The following CAMTA1 variants were observed in gnomAD, a reference collection of about 807,000 sequenced individuals.
The protein encoded by CAMTA1 is calmodulin-binding transcription activator 1.
In CAMTA1, 27 loss-of-function variants were observed where a neutral mutation model predicts 170.9. The ratio of observed to expected loss-of-function variants is 0.16; its 90% CI spans 0.12 to 0.22. CAMTA1 has a LOEUF of 0.22. Ranked by LOEUF, CAMTA1 falls within the 10% of genes least tolerant of loss-of-function variation. The pLI is 1.00. For synonymous variants in CAMTA1, 833 were observed against 891.5 expected (o/e 0.93, Z 1.17); for missense variants, 1,619 against 2,217.2 (o/e 0.73, Z 5.42).
chr1:7,061,361 G>A (rs532110920), intron 3 of CAMTA1, among the ~76,000 whole-genome samples: 12 of 152,316 alleles, frequency 7.9e-5, no homozygotes, highest in African/African-American at 2.2e-4. Flanking sequence ...TTGCTAATCC[G>A]TTGAAATACC....
intron 21 of CAMTA1, among the ~76,000 whole-genome samples, chr1:7,753,424 A>G (rs1408886726): frequency 1.3e-5 from 2 of 152,232 alleles, no homozygotes; most frequent in African/African-American, 2.4e-5. Flanking sequence ...TGTGCAGTTT[A>G]TAATACCAAA....
At chr1:7,332,850 A>T (rs1011354974) in intron 5 of CAMTA1, among the ~76,000 whole-genome samples, 2 of 152,112 alleles carry the variant, frequency 1.3e-5, no homozygotes, top group Admixed American at 1.3e-4. Flanking sequence ...CACAATACCC[A>T]TTACTAGGCT....
intron 1 of CAMTA1, among the ~76,000 whole-genome samples, chr1:6,797,548 G>C (rs2148140095): frequency 6.6e-6 from 1 of 151,620 alleles, no homozygotes; most frequent in African/African-American, 2.4e-5. Context: ...ACCACGCCTA[G>C]CTAATTTTTG....
intron 3 of CAMTA1, among the ~76,000 whole-genome samples, chr1:6,933,667 A>AT (rs376754402): frequency 0.05 from 6,791 of 135,100 alleles, 188 homozygotes; most frequent in African/African-American, 0.081. Context: ...TTCGTTTTTC[A>AT]TTTTTTTTTT....
intron 3 of CAMTA1, among the ~76,000 whole-genome samples, chr1:7,087,993 G>T (rs1558078286): frequency 6.6e-6 from 1 of 152,254 alleles, no homozygotes; most frequent in African/African-American, 2.4e-5. Context: ...ATCTGGTGAG[G>T]GGGTGGCCTG....
intron 6 of CAMTA1, 137 bp downstream of exon 6, chr1:7,468,038 G>A (rs1354154166): frequency 1.7e-5 from 12 of 712,186 alleles, no homozygotes; most frequent in South Asian, 5.1e-5. Context: ...GGGAGACTTC[G>A]GCTGTTGCGG....
chr1:7,399,812 T>G (rs1236234150), intron 5 of CAMTA1, among the ~76,000 whole-genome samples: 1 of 152,216 alleles, frequency 6.6e-6, no homozygotes, highest in Non-Finnish European at 1.5e-5. Flanking sequence ...TCTCTCCTGG[T>G]CTGCAAGGTT....
chr1:7,156,554 T>G (rs943907965), intron 4 of CAMTA1, among the ~76,000 whole-genome samples: 3 of 152,212 alleles, frequency 2.0e-5, no homozygotes, highest in African/African-American at 7.2e-5. Flanking sequence ...GCTCCTACCT[T>G]GTTTGCAAGA....
intron 3 of CAMTA1, among the ~76,000 whole-genome samples, chr1:6,940,851 A>G (rs983399482): frequency 1.5e-4 from 7 of 46,830 alleles, no homozygotes; most frequent in Admixed American, 3.1e-4. Flanking sequence ...GCTCAGCACT[A>G]TCCCCCATTT....
chr1:7,277,581 G>C (rs1670917279), intron 5 of CAMTA1, among the ~76,000 whole-genome samples: 1 of 151,794 alleles, frequency 6.6e-6, no homozygotes, highest in Non-Finnish European at 1.5e-5. Flanking sequence ...CTCCATGGCA[G>C]ACTATATATC....
At chr1:6,937,649 A>T (rs1685663721) in intron 3 of CAMTA1, among the ~76,000 whole-genome samples, 1 of 133,090 alleles carries the variant, frequency 7.5e-6, no homozygotes, top group Non-Finnish European at 1.7e-5. Context: ...TACCACCACC[A>T]TCATCACCAT....
intron 6 of CAMTA1, among the ~76,000 whole-genome samples, chr1:7,516,619 A>G (rs1453446812): frequency 2.0e-5 from 3 of 152,054 alleles, no homozygotes; most frequent in African/African-American, 7.2e-5. Context: ...TCATTTCTCC[A>G]CCCCAAGACA....
chr1:7,710,077 G>A (rs986460500), intron 11 of CAMTA1, among the ~76,000 whole-genome samples: 3 of 152,192 alleles, frequency 2.0e-5, no homozygotes, highest in African/African-American at 4.8e-5. Context: ...GTCGCATAAG[G>A]CCTGAAAGAG....
chr1:7,624,309 G>A (rs1349392148), intron 6 of CAMTA1, among the ~76,000 whole-genome samples: 1 of 152,234 alleles, frequency 6.6e-6, no homozygotes, highest in Non-Finnish European at 1.5e-5. Flanking sequence ...CCCCATCTGA[G>A]CTTAGTGGGA....
chr1:7,707,012 G>A (rs1178649900), intron 11 of CAMTA1, among the ~76,000 whole-genome samples: 1 of 149,734 alleles, frequency 6.7e-6, no homozygotes, highest in African/African-American at 2.5e-5. Context: ...TCAGTCTCCC[G>A]AGTAGCTGGG....
At position 7,293,267 on chromosome 1, in the gene CAMTA1, G is replaced by C. The variant is rs1395108404; in HGVS notation, c.438+43641G>C. Among the ~76,000 whole-genome samples the C allele has an allele frequency of 6.6e-6, 1 of 152,194 alleles. No homozygotes were observed. The highest frequency in any genetic ancestry group is 2.4e-5 in the African/African-American group (1 of 41,456). On this transcript the variant is annotated intron_variant, in intron 5 of 22. Coordinates refer to ENST00000303635, the MANE Select transcript of CAMTA1 (RefSeq NM_015215.4). This position sits in a 1 kb window ranked among gnomAD's most constrained non-coding sequence, Gnocchi z 4.1. ...GATGAGAGACCGCCACTCGTCTCCA[G>C]GAGCTCCCGCCAGAGGCCTGCTGTG...
chr1:7,165,523 G>T (rs552905317), intron 4 of CAMTA1, among the ~76,000 whole-genome samples: 2 of 151,728 alleles, frequency 1.3e-5, no homozygotes, highest in African/African-American at 4.8e-5. Flanking sequence ...CTTCTGCCTC[G>T]CAGGTTCAAG....
chr1:7,021,090 T>A (rs74976947), intron 3 of CAMTA1, among the ~76,000 whole-genome samples: 1,985 of 152,340 alleles, frequency 0.013, 38 homozygotes, highest in African/African-American at 0.046. Flanking sequence ...GCTCCATGGC[T>A]GACACAGCTG....
chr1:7,493,170 C>T (rs62653660), intron 6 of CAMTA1, among the ~76,000 whole-genome samples: 85,330 of 129,840 alleles, frequency 0.66, 30,212 homozygotes, highest in African/African-American at 0.84. Flanking sequence ...TACATACACG[C>T]GCACACAAAT....
Sources: gnomAD v4.1 joint callset for allele counts (sites outside exome capture counted in the v4.1 genomes callset) on GRCh38, gnomAD v4.1.1 for gene constraint, Gnocchi (gnomAD v3.1) non-coding constraint, MANE v1.5 for transcripts, NCBI Gene and HGNC (gene_info 2026-07-23, HGNC 2026-07-21) for gene names.